SH3KBP1: variants seen among roughly 807,000 people sequenced by gnomAD.
The protein encoded by SH3KBP1 is SH3 domain-containing kinase-binding protein 1.
A neutral mutation model predicts 50.1 loss-of-function variants in SH3KBP1; 8 were observed. The ratio of observed to expected loss-of-function variants is 0.16; its 90% CI spans 0.09 to 0.29. SH3KBP1 has a LOEUF of 0.29. SH3KBP1 is among the 10% of genes least tolerant of loss of function. The pLI is 1.00. For synonymous variants in SH3KBP1, 227 were observed against 218.6 expected (o/e 1.04, Z -0.34); for missense variants, 377 against 535.2 (o/e 0.70, Z 2.92).
chrX:19,852,316 T>C (rs1475772586), intron 1 of SH3KBP1, among the ~76,000 whole-genome samples: 3 of 111,205 alleles, frequency 2.7e-5, no homozygotes, highest in East Asian at 5.7e-4. Context: ...CCAGACACTG[T>C]AGAGCTGAAA....
intron 6 of SH3KBP1, among the ~76,000 whole-genome samples, chrX:19,653,186 A>G (rs2062171737): frequency 9.0e-6 from 1 of 111,069 alleles, no homozygotes; most frequent in South Asian, 3.8e-4. Context: ...CAAAGTCACT[A>G]TGTTGCCCAG....
intron 6 of SH3KBP1, among the ~76,000 whole-genome samples, chrX:19,656,411 G>A (rs934674023): frequency 8.9e-6 from 1 of 111,861 alleles, no homozygotes; most frequent in Non-Finnish European, 1.9e-5. Flanking sequence ...TGAAATTAAG[G>A]TTTGAGAGAT....
intron 2 of SH3KBP1, among the ~76,000 whole-genome samples, chrX:19,833,633 C>T (rs762389055): frequency 5.5e-5 from 6 of 109,169 alleles, no homozygotes; most frequent in African/African-American, 1.7e-4. Flanking sequence ...CCACAGTCCT[C>T]CTTCCTTCCC....
intron 2 of SH3KBP1, among the ~76,000 whole-genome samples, chrX:19,748,688 T>C (rs1302020860): frequency 9.0e-6 from 1 of 111,090 alleles, no homozygotes. Flanking sequence ...ATCGGACACA[T>C]GGCCGTGGCA....
At chrX:19,707,755 G>A (rs1052845251) in intron 3 of SH3KBP1, among the ~76,000 whole-genome samples, 1 of 112,205 alleles carries the variant, frequency 8.9e-6, no homozygotes, top group African/African-American at 3.2e-5. Flanking sequence ...TTCAAGTACA[G>A]ACACAACTGT....
chrX:19,879,780 A>C (rs958002354), intron 1 of SH3KBP1, among the ~76,000 whole-genome samples: 5 of 113,125 alleles, frequency 4.4e-5, no homozygotes, highest in African/African-American at 1.6e-4. Context: ...CTGTGGTTAC[A>C]TACAAAGCCT....
intron 2 of SH3KBP1, among the ~76,000 whole-genome samples, chrX:19,825,027 G>A (rs760439439): frequency 1.4e-3 from 154 of 112,247 alleles, no homozygotes; most frequent in African/African-American, 4.6e-3. Flanking sequence ...GCTGGAATTG[G>A]TTGGTTTTGA....
intron 13 of SH3KBP1, among the ~76,000 whole-genome samples, chrX:19,553,230 C>G: frequency 9.0e-6 from 1 of 111,168 alleles, no homozygotes; most frequent in Non-Finnish European, 1.9e-5. Flanking sequence ...CACTTGTGTG[C>G]AGGGGTGGAC....
At chrX:19,883,939 G>A (rs1317851300) in intron 1 of SH3KBP1, among the ~76,000 whole-genome samples, 1 of 111,115 alleles carries the variant, frequency 9.0e-6, no homozygotes, top group Non-Finnish European at 1.9e-5. Context: ...CCTTAAACAC[G>A]CCCTCAAGCC....
chrX:19,746,385 G>GGT lies in SH3KBP1; in HGVS notation c.218_219insAC (p.Leu74ProfsTer18). On this transcript the variant is annotated frameshift_variant, in exon 3 of 18. Transcript: ENST00000397821. LOFTEE classifies it high-confidence loss of function. ...AGTTTCCACTGGGCACTTCGTGCAGGGGCTTTTCTGGAGCTTTGTTGGTGA... is the reference window on the plus strand; with the variant it reads ...AGTTTCCACTGGGCACTTCGTGCAGGGTGGCTTTTCTGGAGCTTTGTTGGTGA... 8.3e-7 allele frequency: 1 copy of GGT among 1,204,365 alleles called. No individual in the cohort carries two copies. Among genetic ancestry groups the GGT allele is most frequent in the Non-Finnish European group, 1.1e-6 (1 of 891,914 alleles).
At position 19,588,657 on chromosome X, in the gene SH3KBP1, C is replaced by T. The variant is rs145308311; in HGVS notation, c.1284G>A (p.Pro428=). 566 of 1,204,039 alleles carry T rather than the reference C, an allele frequency of 4.7e-4. 6 individuals are homozygous for T. The African/African-American group carries it at 9.1e-3, about 19-fold the overall frequency. ...PPRRPERPVG[P]LTHTRGDSPK... ...CACAGCAGTACCTGGTGTGTGTCAG[C>T]GGACCCACCGGTCTCTCCGGCCTTC... Residue 428 remains proline (P), a synonymous_variant, in exon 12 of 18, where the codon CCG becomes CCA. Transcript: ENST00000397821.
rs572322325 is a variant in SH3KBP1 at position 19,857,637 on chromosome X, G to A, written c.5-21355C>T. On this transcript the variant is annotated intron_variant, in intron 1 of 17. Coordinates refer to ENST00000397821, the MANE Select transcript of SH3KBP1 (RefSeq NM_031892.3). ...CTCGGGAGGCTGAAGCAGGAGAATC[G>A]CTTGAACCTGGGAGGCGGAGGTTGC... Among the ~76,000 whole-genome samples the A allele has an allele frequency of 1.7e-4, 19 of 111,092 alleles. No homozygotes were observed. The South Asian group carries it at 6.8e-3, about 40-fold the overall frequency.
intron 6 of SH3KBP1, among the ~76,000 whole-genome samples, chrX:19,668,606 T>C (rs1219450858): frequency 9.4e-6 from 1 of 106,880 alleles, no homozygotes; most frequent in Non-Finnish European, 1.9e-5. Flanking sequence ...TCCCAGCACT[T>C]TGGGAGGCCA....
rs181958782 is a variant in SH3KBP1 at position 19,774,192 on chromosome X, T to C, written c.163-27751A>G. 6.3e-5 allele frequency among the ~76,000 whole-genome samples: 7 copies of C among 111,485 alleles called. No individual in the cohort carries two copies. The Admixed American group carries it at 6.7e-4, about 11-fold the overall frequency. ...TTTTGACTGTCTTTTTTTTAGGGCT[T>C]CACCCTGATTTTATCCTTTTCCTCC... On this transcript the variant is annotated intron_variant, in intron 2 of 17. Coordinates refer to ENST00000397821, the MANE Select transcript of SH3KBP1 (RefSeq NM_031892.3).
chrX:19,655,889 G>A (rs758035433), intron 6 of SH3KBP1, among the ~76,000 whole-genome samples: 5 of 112,000 alleles, frequency 4.5e-5, no homozygotes, highest in African/African-American at 1.6e-4. Flanking sequence ...TAAGCACTAC[G>A]ATAAAGGCAC....
Position 19,631,927 on chromosome X carries a change from A to G in SH3KBP1, c.834T>C (p.Tyr278=). 6 of 1,192,575 alleles carry G rather than the reference A, an allele frequency of 5.0e-6. No individual in the cohort carries two copies. The highest frequency in any genetic ancestry group is 6.8e-6 in the Non-Finnish European group (6 of 879,375). ...SKDYCKVIFP[Y]EAQNDDELTI... is the part of the protein sequence containing the mutation. ...TCAATTCATCATCATTCTGTGCCTC[A>G]TATGGAAATATTACTTTGCAGTAAT... The change falls in exon 8 of 18, where the codon TAT becomes TAC. Residue 278 remains tyrosine, a synonymous_variant. Coordinates refer to ENST00000397821, the MANE Select transcript of SH3KBP1 (RefSeq NM_031892.3).
chrX:19,626,467 T>C, intron 8 of SH3KBP1, among the ~76,000 whole-genome samples: 1 of 111,788 alleles, frequency 8.9e-6, no homozygotes, highest in East Asian at 2.8e-4. Flanking sequence ...AAAATTGTTG[T>C]CAATAATCTT....
At chrX:19,638,114 CA>C (rs373623210) in intron 7 of SH3KBP1, among the ~76,000 whole-genome samples, 6 of 99,532 alleles carry the variant, frequency 6.0e-5, no homozygotes, top group South Asian at 4.7e-4. Flanking sequence ...AACAAACAAA[CA>C]AAAAAAAACA....
At chrX:19,833,348 C>G (rs1449033700) in intron 2 of SH3KBP1, among the ~76,000 whole-genome samples, 1 of 105,048 alleles carries the variant, frequency 9.5e-6, no homozygotes, top group Non-Finnish European at 2.0e-5. Flanking sequence ...TTCCCAGGGT[C>G]CCCCTACCTC....
Sources: allele counts gnomAD v4.1 joint callset (sites outside exome capture counted in the v4.1 genomes callset), GRCh38; gene constraint gnomAD v4.1.1; transcripts MANE v1.5; gene names NCBI Gene and HGNC (gene_info 2026-07-23, HGNC 2026-07-21).